Variants in NELL2 observed in about 807,000 individuals in gnomAD.
NELL2 encodes protein kinase C-binding protein NELL2.
Under a neutral mutation model 109.6 loss-of-function variants are expected in NELL2, and 41 were observed. That is an observed-to-expected ratio of 0.37 (90% confidence interval 0.29 to 0.49). The LOEUF (loss-of-function observed/expected upper bound fraction) is 0.49, where lower values mean the gene tolerates loss of function less well. NELL2 is among the 20% of genes least tolerant of loss of function. The probability of loss-of-function intolerance (pLI) is 0.98; values close to 1 mark genes in which losing one functional copy is unlikely to be tolerated. For synonymous variants in NELL2, 355 were observed against 344.7 expected, an observed-to-expected ratio of 1.03 and a Z score of -0.33; for missense variants, 900 against 1,008.3, an observed-to-expected ratio of 0.89 and a Z score of 1.45.
intron 1 of NELL2, among the ~76,000 whole-genome samples, chr12:44,893,384 A>G (rs1378467770): frequency 6.6e-6 from 1 of 152,236 alleles, no homozygotes; most frequent in Non-Finnish European, 1.5e-5. Context: ...AATAAAACAT[A>G]GCCAAATTAA....
intron 9 of NELL2, among the ~76,000 whole-genome samples, chr12:44,763,909 T>C (rs1036290284): frequency 3.9e-5 from 6 of 152,124 alleles, no homozygotes. Flanking sequence ...GGAGTACTAA[T>C]AGTTAACAAG....
intron 9 of NELL2, among the ~76,000 whole-genome samples, chr12:44,773,676 C>G (rs1941638684): frequency 6.6e-6 from 1 of 152,106 alleles, no homozygotes; most frequent in South Asian, 2.1e-4. Flanking sequence ...AGGAAATTAG[C>G]TAGTGACATG....
chr12:44,522,088 A>T lies in NELL2; in HGVS notation c.2087T>A (p.Leu696His). ...LFCCPECDPR[L>H]SSQCLHQNGE... ...ATTTTGATGGAGGCACTGACTACTAAGCCTTGGGTCACATTCAGGGCAGCA... is the reference window on the plus strand; with the variant it reads ...ATTTTGATGGAGGCACTGACTACTATGCCTTGGGTCACATTCAGGGCAGCA... Residue 696 changes from leucine to histidine, a missense_variant, in exon 18 of 20, where the codon CTT (leucine) becomes CAT (histidine). Around this residue, in one of 4 missense-constraint regions of NELL2, gnomAD observed 333 missense variants for 432.3 expected, o/e 0.77. Transcript: ENST00000429094. 9 of 1,614,138 alleles carry T rather than the reference A, an allele frequency of 5.6e-6. No homozygotes were observed. Among genetic ancestry groups the T allele is most frequent in the Non-Finnish European group, 7.6e-6 (9 of 1,180,028 alleles).
chr12:44,807,128 C>G (rs911217851), intron 3 of NELL2, among the ~76,000 whole-genome samples: 3 of 150,724 alleles, frequency 2.0e-5, no homozygotes, highest in Admixed American at 2.0e-4. Context: ...AAATAACAAC[C>G]AAATAATAAA....
rs865904036 is a variant in NELL2 at position 44,713,217 on chromosome 12, G to C, written c.1086+1433C>G. Reference sequence around the variant, plus strand: ...ACACACACACACACACACACACACAGAGAGAGACAGAGAGAGAGAGAGAGA... The same window carrying C: ...ACACACACACACACACACACACACACAGAGAGACAGAGAGAGAGAGAGAGA... On this transcript the variant is annotated intron_variant, in intron 10 of 19. Coordinates refer to ENST00000429094, the MANE Select transcript of NELL2 (RefSeq NM_001145108.2). 5.9e-3 allele frequency among the ~76,000 whole-genome samples: 809 copies of C among 137,216 alleles called. 5 individuals are homozygous for C. Among genetic ancestry groups the C allele is most frequent in the African/African-American group, 0.014 (412 of 29,806 alleles). The allele number at this position is 137,216 out of a possible 152,430, so 90.0% of individuals were successfully genotyped here. A position where few individuals can be genotyped will look rare whatever the true frequency, so the allele number is the denominator to read the frequency against.
At chr12:44,510,465 G>A (rs1329147226) in intron 19 of NELL2, among the ~76,000 whole-genome samples, 2 of 152,148 alleles carry the variant, frequency 1.3e-5, no homozygotes, top group African/African-American at 4.8e-5. Context: ...TTTGATGATT[G>A]AAATGCATTA....
intron 12 of NELL2, among the ~76,000 whole-genome samples, chr12:44,681,572 C>A (rs1566148643): frequency 6.6e-6 from 1 of 152,010 alleles, no homozygotes; most frequent in Non-Finnish European, 1.5e-5. Flanking sequence ...CCCCTCTCCG[C>A]CCACCCCACA....
chr12:44,677,863 C>T (rs1215675160), intron 12 of NELL2, among the ~76,000 whole-genome samples: 1 of 151,314 alleles, frequency 6.6e-6, no homozygotes, highest in African/African-American at 2.4e-5. Context: ...AATTGAGCTA[C>T]AGAGAAGCAT....
intron 1 of NELL2, among the ~76,000 whole-genome samples, chr12:44,913,328 G>C (rs899088157): frequency 6.6e-6 from 1 of 152,108 alleles, no homozygotes; most frequent in Non-Finnish European, 1.5e-5. Flanking sequence ...GATTGAAAAA[G>C]TCAGGATATA....
intron 15 of NELL2, among the ~76,000 whole-genome samples, chr12:44,559,844 A>G (rs1943402465): frequency 6.6e-6 from 1 of 152,334 alleles, no homozygotes; most frequent in South Asian, 2.1e-4. Flanking sequence ...AGACATCTAC[A>G]GAACTGTCCA....
Position 44,875,833 on chromosome 12 carries a change from T to C in NELL2, c.37A>G (p.Ile13Val), listed in dbSNP as rs1945303401. 11 of 1,613,684 alleles carry C rather than the reference T, an allele frequency of 6.8e-6. 2 individuals carry two copies. The South Asian group carries it at 7.7e-5, about 11-fold the overall frequency. The change falls in exon 1 of 20, where the codon ATC becomes GTC. Residue 13 changes from isoleucine (I) to valine (V), a missense_variant. Physicochemically the swap from Ile to Val is conservative, Grantham distance 29 (BLOSUM62 3). Around this residue, in one of 4 missense-constraint regions of NELL2, gnomAD observed 200 missense variants for 191.8 expected, o/e 1.04. Transcript: ENST00000429094. Reference protein sequence around the residue: ...SRVLLRTFCLIFGLGAVWGLG... With the variant: ...SRVLLRTFCLVFGLGAVWGLG... ...CACTCACCTGCTCCGAGACCGAAGA[T>C]CAAACAGAATGTTCTCAGTAAGACC...
intron 15 of NELL2, among the ~76,000 whole-genome samples, chr12:44,600,140 A>ATTTATTTG (rs1238126059): frequency 7.1e-6 from 1 of 139,882 alleles, no homozygotes; most frequent in African/African-American, 2.7e-5. Flanking sequence ...TTATTTATTT[A>ATTTATTTG]TTTATTTATT....
intron 15 of NELL2, among the ~76,000 whole-genome samples, chr12:44,550,739 T>C (rs987074009): frequency 6.6e-6 from 1 of 152,056 alleles, no homozygotes; most frequent in Non-Finnish European, 1.5e-5. Context: ...CAGGAGGGCA[T>C]AACATATGGT....
chr12:44,593,257 G>C (rs573740496), intron 15 of NELL2, among the ~76,000 whole-genome samples: 3 of 152,232 alleles, frequency 2.0e-5, no homozygotes. Context: ...AAAGGAGATG[G>C]TAATAAGAAA....
intron 13 of NELL2, among the ~76,000 whole-genome samples, chr12:44,651,799 G>A (rs138796787): frequency 1.3e-5 from 2 of 152,076 alleles, no homozygotes; most frequent in African/African-American, 2.4e-5. Flanking sequence ...GGTGAAACAG[G>A]CTGGCTATAA....
At chr12:44,548,568 A>C (rs1332517875) in intron 15 of NELL2, among the ~76,000 whole-genome samples, 1 of 151,784 alleles carries the variant, frequency 6.6e-6, no homozygotes, top group Admixed American at 6.6e-5. Context: ...CAAAAGAAAA[A>C]ACCAAGAAGG....
rs929193716 is a variant in NELL2 at position 44,625,015 on chromosome 12, T to C, written c.1445-14045A>G. Among the ~76,000 whole-genome samples the C allele has an allele frequency of 1.2e-3, 167 of 144,806 alleles. 1 individual carries two copies. Among genetic ancestry groups the C allele is most frequent in the Non-Finnish European group, 2.0e-3 (135 of 66,346 alleles). 95.0% of individuals were successfully genotyped at this position (144,806 alleles called of 152,430 possible). A position where few individuals can be genotyped will look rare whatever the true frequency, so the allele number is the denominator to read the frequency against. On this transcript the variant is annotated intron_variant, in intron 13 of 19. Transcript: ENST00000429094. ...GTGTGTGTATATATATATATATATA[T>C]ATATATATATATATATATTTCTGAA...
chr12:44,651,180 A>G (rs1011494091), intron 13 of NELL2, among the ~76,000 whole-genome samples: 1 of 152,162 alleles, frequency 6.6e-6, no homozygotes, highest in Non-Finnish European at 1.5e-5. Flanking sequence ...ACCCCACCCC[A>G]CTTGTCCATG....
intron 1 of NELL2, 183 bp downstream of exon 1, chr12:44,875,632 C>A: frequency 6.2e-7 from 1 of 1,606,014 alleles, no homozygotes; most frequent in South Asian, 1.1e-5. Flanking sequence ...CGTGATCCGC[C>A]TCGCGGTCTC....
Sources: gnomAD v4.1 joint callset for allele counts (sites outside exome capture counted in the v4.1 genomes callset) on GRCh38, gnomAD v4.1.1 for gene constraint, gnomAD v4.1.1 regional missense constraint, MANE v1.5 for transcripts, NCBI Gene and HGNC (gene_info 2026-07-23, HGNC 2026-07-21) for gene names.